Variants in RBM18 observed in about 807,000 individuals in gnomAD.
The protein encoded by RBM18 is RNA binding motif protein 18.
Under a neutral mutation model 26.4 loss-of-function variants are expected in RBM18, and 18 were observed. That is an observed-to-expected ratio of 0.68 (90% CI 0.47 to 1.01). The LOEUF is 1.01. Among genes scored for constraint, RBM18 ranks in the 50% least tolerant of loss-of-function variants. RBM18 has a pLI of 0.00. For synonymous variants in RBM18, 74 were observed against 81.1 expected (o/e 0.91, Z 0.47); for missense variants, 180 against 219.2 (o/e 0.82, Z 1.13).
chr9:122,260,530 T>C (rs1250198217), intron 2 of RBM18, among the ~76,000 whole-genome samples: 1 of 152,168 alleles, frequency 6.6e-6, no homozygotes, highest in Non-Finnish European at 1.5e-5. Context: ...ATGGCTGTGA[T>C]GTAAAAGAGC....
At chr9:122,255,744 A>C (rs1458020979) in intron 2 of RBM18, among the ~76,000 whole-genome samples, 1 of 152,098 alleles carries the variant, frequency 6.6e-6, no homozygotes, top group East Asian at 1.9e-4. Flanking sequence ...GCTAATCTTC[A>C]TCTTCAATTT....
chr9:122,243,125 G>A (rs977303187), intron 5 of RBM18, among the ~76,000 whole-genome samples: 2 of 151,958 alleles, frequency 1.3e-5, no homozygotes, highest in African/African-American at 4.8e-5. Flanking sequence ...ACCGCGCCCA[G>A]CCCCATCTGA....
chr9:122,250,848 A>G (rs1328749262), intron 3 of RBM18, among the ~76,000 whole-genome samples: 1 of 151,782 alleles, frequency 6.6e-6, no homozygotes, highest in Non-Finnish European at 1.5e-5. Flanking sequence ...AGTTATCTAT[A>G]TTTTCATCTA....
intron 2 of RBM18, among the ~76,000 whole-genome samples, chr9:122,253,204 A>T (rs1428752556): frequency 2.6e-5 from 4 of 152,206 alleles, no homozygotes; most frequent in African/African-American, 9.6e-5. Context: ...TCAAAATTTT[A>T]TTCTTGAGCA....
chr9:122,246,216 T>C (rs1338866295), intron 4 of RBM18, among the ~76,000 whole-genome samples: 7 of 152,218 alleles, frequency 4.6e-5, no homozygotes, highest in African/African-American at 1.4e-4. Context: ...CTATGTTGCA[T>C]AGGCTGGTCT....
intron 2 of RBM18, among the ~76,000 whole-genome samples, chr9:122,256,881 T>C (rs1048586936): frequency 2.6e-5 from 4 of 152,216 alleles, no homozygotes; most frequent in African/African-American, 9.7e-5. Flanking sequence ...TAGCTGAACA[T>C]TCTTATTCTA....
chr9:122,251,773 T>G, intron 3 of RBM18, 74 bp downstream of exon 3: 1 of 1,421,022 alleles, frequency 7.0e-7, no homozygotes, highest in Non-Finnish European at 9.8e-7. Flanking sequence ...GCTATTCTAG[T>G]AGGCAAGAGA....
At chr9:122,263,904 C>G (rs1399364817) in intron 1 of RBM18, among the ~76,000 whole-genome samples, 1 of 152,218 alleles carries the variant, frequency 6.6e-6, no homozygotes, top group African/African-American at 2.4e-5. Context: ...GTCACATGAC[C>G]TTTCTTTAAG....
intron 2 of RBM18, 139 bp from the exon 3 acceptor site, chr9:122,252,112 CTA>C: frequency 9.3e-7 from 1 of 1,069,812 alleles, no homozygotes; most frequent in Non-Finnish European, 1.3e-6. Context: ...CTCTAAACTG[CTA>C]TGTTAGTTTA....
intron 5 of RBM18, 74 bp from the exon 6 acceptor site, chr9:122,242,117 G>C: frequency 3.5e-6 from 5 of 1,429,210 alleles, no homozygotes; most frequent in Non-Finnish European, 4.8e-6. Context: ...TCCTCTCCTT[G>C]AGCCTCTTGG....
chr9:122,263,335 GA>G (rs1831863451), intron 1 of RBM18, among the ~76,000 whole-genome samples: 3 of 152,176 alleles, frequency 2.0e-5, no homozygotes, highest in Non-Finnish European at 4.4e-5. Context: ...ATAGACAAAT[GA>G]AAAAGCCACA....
At chr9:122,260,122 G>A (rs554968615) in intron 2 of RBM18, among the ~76,000 whole-genome samples, 2 of 152,152 alleles carry the variant, frequency 1.3e-5, no homozygotes, top group South Asian at 4.2e-4. Context: ...CAAGGTGGGT[G>A]GATCATTTGA....
rs1311655373 is a variant in RBM18, at chr9:122,248,700, C to T, written c.241-1096G>A. ...AGGAAACCTGGCTGTACTTTCCATC[C>T]TGCCAAACCTTCTTTGCCCCATTTG... On this transcript the variant is annotated intron_variant, in intron 3 of 5. Coordinates refer to ENST00000417201, the MANE Select transcript of RBM18 (RefSeq NM_033117.4). Among the ~76,000 whole-genome samples, 3 of 152,210 alleles carry T rather than the reference C, an allele frequency of 2.0e-5. No homozygotes were observed. The East Asian group carries it at 5.8e-4, about 29-fold the overall frequency.
chr9:122,246,402 G>A (rs781221224), intron 4 of RBM18, among the ~76,000 whole-genome samples: 2 of 152,222 alleles, frequency 1.3e-5, no homozygotes, highest in Non-Finnish European at 2.9e-5. Context: ...AGAGAACCGT[G>A]AGGCACAGAG....
In RBM18 at chr9:122,251,529, G is replaced by T. The variant is rs371907719; in HGVS notation, c.240+318C>A. Among the ~76,000 whole-genome samples, 4 of 152,184 alleles carry T rather than the reference G, an allele frequency of 2.6e-5. No individual in the cohort carries two copies. In the East Asian group the frequency reaches 7.7e-4, roughly 29 times the overall value. On this transcript the variant is annotated intron_variant, in intron 3 of 5. Transcript: ENST00000417201. ...GAAAGAAAAGAAGGCTTTGTCAGTTGGCCAGCCAGTAAAGCAACAAACAAA... is the reference window on the plus strand; with the variant it reads ...GAAAGAAAAGAAGGCTTTGTCAGTTTGCCAGCCAGTAAAGCAACAAACAAA...
intron 5 of RBM18, among the ~76,000 whole-genome samples, chr9:122,244,606 G>T (rs541580891): frequency 2.6e-5 from 4 of 152,160 alleles, no homozygotes; most frequent in Non-Finnish European, 1.5e-5. Context: ...CTGCTTCAGC[G>T]TAAGCTCAAT....
intron 2 of RBM18, among the ~76,000 whole-genome samples, chr9:122,257,452 G>C (rs935915462): frequency 6.6e-6 from 1 of 152,098 alleles, no homozygotes; most frequent in African/African-American, 2.4e-5. Context: ...CCCAGCCAAT[G>C]GTCAATATTA....
intron 2 of RBM18, among the ~76,000 whole-genome samples, chr9:122,260,155 T>C (rs1312298234): frequency 6.6e-6 from 1 of 151,986 alleles, no homozygotes; most frequent in Non-Finnish European, 1.5e-5. Flanking sequence ...GAGATCAGCC[T>C]GGTCAACATG....
In RBM18 at chr9:122,245,328, T is replaced by C. The variant is rs1564454940; in HGVS notation, c.341A>G (p.Asn114Ser). ...GATTGGAAGAATCTTATCATTCTTGTTATGATCATATCTCTGAAAATGAGA... is the reference window on the plus strand; with the variant it reads ...GATTGGAAGAATCTTATCATTCTTGCTATGATCATATCTCTGAAAATGAGA... ...AHAQVKRYDH[N>S]KNDKILPISL... Residue 114 changes from asparagine (N) to serine (S), a missense_variant, in exon 5 of 6, where the codon AAC (asparagine) becomes AGC (serine). Asn to Ser is a conservative substitution (Grantham distance 46, BLOSUM62 1). Coordinates refer to ENST00000417201, the MANE Select transcript of RBM18 (RefSeq NM_033117.4). 2.5e-6 allele frequency: 4 copies of C among 1,605,548 alleles called. No individual in the cohort carries two copies. The East Asian group carries it at 6.7e-5, about 27-fold the overall frequency.
Sources: gnomAD v4.1 joint callset for allele counts (sites outside exome capture counted in the v4.1 genomes callset) on GRCh38, gnomAD v4.1.1 for gene constraint, MANE v1.5 for transcripts, NCBI Gene and HGNC (gene_info 2026-07-23, HGNC 2026-07-21) for gene names.